ECSCR: variants seen among roughly 807,000 people sequenced by gnomAD.
ECSCR encodes endothelial cell surface expressed chemotaxis and apoptosis regulator.
In ECSCR, 12 loss-of-function variants were observed where a neutral mutation model predicts 16.7. That is an observed-to-expected ratio of 0.72 (90% CI 0.46 to 1.17). The LOEUF is 1.17. Ranked by LOEUF, ECSCR falls within the 50% of genes most tolerant of loss-of-function variation. The probability of loss-of-function intolerance (pLI) is 0.00; values close to 1 mark genes in which losing one functional copy is unlikely to be tolerated. For synonymous variants in ECSCR, 44 were observed against 42.2 expected (o/e 1.04, Z -0.17); for missense variants, 122 against 116.1 (o/e 1.05, Z -0.23).
intron 2 of ECSCR, 115 bp from the exon 3 acceptor site, chr5:139,457,922 C>T (rs1310548575): frequency 3.9e-6 from 5 of 1,270,550 alleles, no homozygotes; most frequent in Admixed American, 4.0e-5. Context: ...CCCCTCATTC[C>T]CAACCATTCA....
chr5:139,457,131 C>T (rs2152089439), intron 4 of ECSCR, among the ~76,000 whole-genome samples: 1 of 152,368 alleles, frequency 6.6e-6, no homozygotes, highest in East Asian at 1.9e-4. Context: ...AAATCTTCCT[C>T]TTCTTTCCTG....
intron 4 of ECSCR, 115 bp from the exon 5 acceptor site, chr5:139,456,633 C>A (rs931430658): frequency 4.8e-5 from 19 of 395,264 alleles, no homozygotes; most frequent in Non-Finnish European, 7.6e-5. Flanking sequence ...CTTTCTCAGC[C>A]TTTTCTGCCT....
chr5:139,454,886 C>T lies in ECSCR; in HGVS notation c.414G>A (p.Val138=). ...ISFIVILVVV[V]IILVGVVSLR... is the part of the protein sequence containing the mutation. ...GGCTGACCACACCAACTAGGATGATCACCACAACCACCAGGATGACAATGA... is the reference window on the plus strand; with the variant it reads ...GGCTGACCACACCAACTAGGATGATTACCACAACCACCAGGATGACAATGA... The change falls in exon 7 of 10, where the codon GTG becomes GTA. Residue 138 remains valine, a synonymous_variant. Coordinates refer to ENST00000618155, the MANE Select transcript of ECSCR (RefSeq NM_001077693.4). The T allele has an allele frequency of 2.5e-6, 1 of 398,618 alleles. No homozygotes were observed. Among genetic ancestry groups the T allele is most frequent in the Non-Finnish European group, 4.4e-6 (1 of 226,244 alleles). 24.7% of individuals were successfully genotyped at this position (398,618 alleles called of 1,614,324 possible).
At position 139,462,663 on chromosome 5, in the gene ECSCR, G is replaced by T; in HGVS notation, c.8C>A (p.Thr3Asn). 1 of 1,588,876 alleles carries T rather than the reference G, an allele frequency of 6.3e-7. No homozygotes were observed. The highest frequency in any genetic ancestry group is 1.1e-5 in the South Asian group (1 of 87,112). Residue 3 changes from threonine (T) to asparagine (N), a missense_variant, in exon 1 of 10, where the codon ACC becomes AAC. By Grantham distance (65) the Thr-to-Asn change is moderately conservative (BLOSUM62 0). Coordinates refer to ENST00000618155, the MANE Select transcript of ECSCR (RefSeq NM_001077693.4). MGTAGAMQLCWVI... is the reference protein window; with the variant it reads MGNAGAMQLCWVI... ...CCAGCACAGCTGCATGGCTCCTGCG[G>T]TGCCCATGTCAGCTGGGTATGTGGC...
In ECSCR at chr5:139,456,458, G is replaced by A. The variant is rs931937090; in HGVS notation, c.262+16C>T. Reference sequence around the variant, plus strand: ...TCCTGCCGACTTCTCTTCAGGGCGAGTGCAGCAGGACATACCTCTGCTTGT... The same window carrying A: ...TCCTGCCGACTTCTCTTCAGGGCGAATGCAGCAGGACATACCTCTGCTTGT... On this transcript the variant is annotated intron_variant, in intron 5 of 9. Coordinates refer to ENST00000618155, the MANE Select transcript of ECSCR (RefSeq NM_001077693.4). 3 of 398,518 alleles carry A rather than the reference G, an allele frequency of 7.5e-6. No homozygotes were observed. Among genetic ancestry groups the A allele is most frequent in the Admixed American group, 4.4e-5 (1 of 22,702 alleles). The allele number at this position is 398,518 out of a possible 1,614,324, so 24.7% of individuals were successfully genotyped here.
intron 8 of ECSCR, among the ~76,000 whole-genome samples, chr5:139,450,157 T>C (rs1042618809): frequency 5.9e-5 from 9 of 152,076 alleles, no homozygotes; most frequent in Non-Finnish European, 1.0e-4. Flanking sequence ...CCTCCCAAAG[T>C]GCTGAGATTA....
At chr5:139,459,799 C>T (rs1297127668) in intron 1 of ECSCR, among the ~76,000 whole-genome samples, 1 of 152,194 alleles carries the variant, frequency 6.6e-6, no homozygotes, top group African/African-American at 2.4e-5. Flanking sequence ...TGCCAGGGGC[C>T]CACCCCAGCC....
intron 8 of ECSCR, among the ~76,000 whole-genome samples, chr5:139,450,465 C>A (rs1439443150): frequency 1.4e-5 from 2 of 140,192 alleles, no homozygotes. Flanking sequence ...GGCAACAGAG[C>A]AAGCCTGTCC....
At chr5:139,457,641 G>T in intron 3 of ECSCR, 37 bp from the exon 4 acceptor site, 1 of 1,129,336 alleles carries the variant, frequency 8.9e-7, no homozygotes, top group Non-Finnish European at 1.4e-6. Flanking sequence ...TGGGAGGTGG[G>T]GTAGGTTTGG....
At chr5:139,460,332 C>T (rs974758292) in intron 1 of ECSCR, among the ~76,000 whole-genome samples, 7 of 152,080 alleles carry the variant, frequency 4.6e-5, no homozygotes. Context: ...GATGGGGTTT[C>T]ACCATGTTGG....
chr5:139,458,845 CA>C (rs1264082615), intron 1 of ECSCR, among the ~76,000 whole-genome samples: 1,254 of 88,972 alleles, frequency 0.014, 4 homozygotes, highest in African/African-American at 0.035. Context: ...GACTCTGTCT[CA>C]AAAAAAAAAA....
intron 1 of ECSCR, among the ~76,000 whole-genome samples, chr5:139,460,322 G>GA (rs1349161698): frequency 6.6e-6 from 1 of 152,078 alleles, no homozygotes; most frequent in African/African-American, 2.4e-5. Flanking sequence ...GTTTAGTAGA[G>GA]ATGGGGTTTC....
intron 2 of ECSCR, 88 bp from the exon 3 acceptor site, chr5:139,457,895 C>G: frequency 7.0e-7 from 1 of 1,418,848 alleles, no homozygotes; most frequent in Non-Finnish European, 9.7e-7. Context: ...GTGTCTTTCT[C>G]CCTACCCCAT....
rs1750965374 is a variant in ECSCR at position 139,448,823 on chromosome 5, A to G, written c.*77T>C. ...AATTTACATGTGGTTCATTGCCTCT[A>G]CTAATTCCATCTCTTCCTCCTTGTA... On this transcript the variant is annotated 3_prime_UTR_variant, in exon 10 of 10. Transcript: ENST00000618155. 8 of 1,530,544 alleles carry G rather than the reference A, an allele frequency of 5.2e-6. No individual in the cohort carries two copies. Among genetic ancestry groups the G allele is most frequent in the Non-Finnish European group, 7.0e-6 (8 of 1,144,904 alleles). 94.8% of individuals were successfully genotyped at this position (1,530,544 alleles called of 1,614,324 possible). A position where few individuals can be genotyped will look rare whatever the true frequency, so the allele number is the denominator to read the frequency against.
At chr5:139,456,576 CGCT>C (rs1160558072) in intron 4 of ECSCR, 58 bp from the exon 5 acceptor site, 1 of 398,294 alleles carries the variant, frequency 2.5e-6, no homozygotes, top group Admixed American at 4.4e-5. Flanking sequence ...TCTTCTCCCT[CGCT>C]GCTAAGCAAA....
chr5:139,459,864 G>C (rs1291818543), intron 1 of ECSCR, among the ~76,000 whole-genome samples: 1 of 152,186 alleles, frequency 6.6e-6, no homozygotes, highest in African/African-American at 2.4e-5. Flanking sequence ...TCCTCCATGG[G>C]GCTATCATCT....
intron 8 of ECSCR, among the ~76,000 whole-genome samples, chr5:139,451,487 G>A (rs1751046815): frequency 6.7e-6 from 1 of 148,600 alleles, no homozygotes; most frequent in Non-Finnish European, 1.5e-5. Flanking sequence ...TGATGTGTGT[G>A]GTTTGGGTGG....
intron 8 of ECSCR, among the ~76,000 whole-genome samples, chr5:139,453,807 T>C (rs1490066683): frequency 1.4e-5 from 1 of 72,908 alleles, no homozygotes; most frequent in African/African-American, 5.2e-5. Flanking sequence ...GTGTGGTGTG[T>C]GATGTGTGGG....
At chr5:139,451,886 G>A (rs1751059141) in intron 8 of ECSCR, among the ~76,000 whole-genome samples, 1 of 151,024 alleles carries the variant, frequency 6.6e-6, no homozygotes, top group African/African-American at 2.4e-5. Context: ...ATAGGGTGTG[G>A]GGTGTGTGTG....
Sources: allele counts gnomAD v4.1 joint callset (sites outside exome capture counted in the v4.1 genomes callset), GRCh38; gene constraint gnomAD v4.1.1; transcripts MANE v1.5; gene names NCBI Gene and HGNC (gene_info 2026-07-23, HGNC 2026-07-21).